ZNF804A: variants seen among roughly 807,000 people sequenced by gnomAD.
The protein encoded by ZNF804A is zinc finger protein 804A.
Under a neutral mutation model 16.5 loss-of-function variants are expected in ZNF804A, and 2 were observed. That is an observed-to-expected ratio of 0.12 (90% CI 0.05 to 0.38). The LOEUF (loss-of-function observed/expected upper bound fraction) is 0.38, where lower values mean the gene tolerates loss of function less well. Ranked by LOEUF, ZNF804A falls within the 10% of genes least tolerant of loss-of-function variation. ZNF804A has a pLI of 0.99. For synonymous variants in ZNF804A, 534 were observed against 489.6 expected (o/e 1.09, Z -1.20); for missense variants, 1,473 against 1,390.7 (o/e 1.06, Z -0.94).
chr2:184,730,429 T>C (rs1185777797), intron 1 of ZNF804A, among the ~76,000 whole-genome samples: 3 of 152,206 alleles, frequency 2.0e-5, no homozygotes, highest in African/African-American at 7.2e-5. Context: ...CTTGTTGTTA[T>C]ACATTCTATG....
At chr2:184,660,849 T>C (rs1234750795) in intron 1 of ZNF804A, among the ~76,000 whole-genome samples, 2 of 152,278 alleles carry the variant, frequency 1.3e-5, no homozygotes, top group East Asian at 3.8e-4. Flanking sequence ...TCTCAGTAGA[T>C]ACTAATTTAT....
chr2:184,714,291 A>G (rs889350772), intron 1 of ZNF804A, among the ~76,000 whole-genome samples: 4 of 152,074 alleles, frequency 2.6e-5, no homozygotes, highest in African/African-American at 9.7e-5. Flanking sequence ...GCAGAAACAA[A>G]TTACATGCAC....
At chr2:184,700,901 T>A (rs1181669413) in intron 1 of ZNF804A, among the ~76,000 whole-genome samples, 1 of 151,990 alleles carries the variant, frequency 6.6e-6, no homozygotes, top group East Asian at 1.9e-4. Flanking sequence ...ATTCATTGTA[T>A]AGTGATTAAA....
chr2:184,884,298 A>G (rs1476992195), intron 2 of ZNF804A, among the ~76,000 whole-genome samples: 2 of 152,164 alleles, frequency 1.3e-5, no homozygotes, highest in Non-Finnish European at 2.9e-5. Context: ...CAAAGAAGTC[A>G]AAGATGACAC....
At chr2:184,668,374 T>A (rs1298008491) in intron 1 of ZNF804A, among the ~76,000 whole-genome samples, 1 of 151,940 alleles carries the variant, frequency 6.6e-6, no homozygotes, top group East Asian at 1.9e-4. Context: ...GTGTTCACAT[T>A]TATAATAAAT....
chr2:184,638,474 G>T (rs1691739010), intron 1 of ZNF804A, among the ~76,000 whole-genome samples: 2 of 152,004 alleles, frequency 1.3e-5, no homozygotes, highest in African/African-American at 4.8e-5. Context: ...AAATACCTTA[G>T]GTCTGTGGGT....
At chr2:184,665,493 A>G (rs1412999789) in intron 1 of ZNF804A, among the ~76,000 whole-genome samples, 1 of 152,200 alleles carries the variant, frequency 6.6e-6, no homozygotes, top group Non-Finnish European at 1.5e-5. Flanking sequence ...CTCTTGCTGT[A>G]CAACAAAATA....
chr2:184,881,945 T>C (rs886382410), intron 2 of ZNF804A, among the ~76,000 whole-genome samples: 1 of 152,050 alleles, frequency 6.6e-6, no homozygotes, highest in Admixed American at 6.6e-5. Flanking sequence ...ATATCAATAC[T>C]ACCCTTGAAT....
chr2:184,908,500 G>A (rs951680634), intron 2 of ZNF804A, among the ~76,000 whole-genome samples: 2 of 152,074 alleles, frequency 1.3e-5, no homozygotes, highest in Non-Finnish European at 2.9e-5. Flanking sequence ...AAGGTAACAT[G>A]TTTGCATGAT....
At chr2:184,852,751 T>C (rs1179982445) in intron 1 of ZNF804A, among the ~76,000 whole-genome samples, 1 of 151,854 alleles carries the variant, frequency 6.6e-6, no homozygotes, top group Non-Finnish European at 1.5e-5. Context: ...AAAAATGCAT[T>C]GACTGTAAAT....
chr2:184,883,428 G>A (rs968789264), intron 2 of ZNF804A, among the ~76,000 whole-genome samples: 3 of 151,970 alleles, frequency 2.0e-5, no homozygotes, highest in Admixed American at 2.0e-4. Context: ...CTTCTATGAG[G>A]CCAGCATCAT....
chr2:184,666,472 A>G (rs1351624991), intron 1 of ZNF804A, among the ~76,000 whole-genome samples: 1 of 152,060 alleles, frequency 6.6e-6, no homozygotes, highest in Non-Finnish European at 1.5e-5. Flanking sequence ...ACATATGCAA[A>G]TAGAAAAATG....
chr2:184,718,964 C>G (rs962202768), intron 1 of ZNF804A, among the ~76,000 whole-genome samples: 3 of 152,134 alleles, frequency 2.0e-5, no homozygotes, highest in African/African-American at 7.2e-5. Flanking sequence ...CCCACATTAC[C>G]TTGCCCTTCC....
intron 1 of ZNF804A, among the ~76,000 whole-genome samples, chr2:184,773,560 T>G (rs1393460305): frequency 6.6e-6 from 1 of 151,812 alleles, no homozygotes; most frequent in Non-Finnish European, 1.5e-5. Context: ...GAATGGAAAA[T>G]CAAACATTTT....
chr2:184,723,038 A>C lies in ZNF804A; in HGVS notation c.111+123968A>C, dbSNP rs1693343317. On this transcript the variant is annotated intron_variant, in intron 1 of 3. Transcript: ENST00000302277. ...TGGCATAATACAAAATCTGAAGGCT[A>C]GGCTTAGTTTTAGTATGGATTTTTA... Among the ~76,000 whole-genome samples, 8 of 151,962 alleles carry C rather than the reference A, an allele frequency of 5.3e-5. No homozygotes were observed. The South Asian group carries it at 1.5e-3, about 28-fold the overall frequency.
intron 1 of ZNF804A, among the ~76,000 whole-genome samples, chr2:184,621,381 G>T (rs955074113): frequency 1.8e-4 from 27 of 151,538 alleles, no homozygotes; most frequent in African/African-American, 6.5e-4. Flanking sequence ...GCATGTATTT[G>T]TATATAGCTA....
intron 1 of ZNF804A, among the ~76,000 whole-genome samples, chr2:184,844,795 T>C (rs1007973462): frequency 1.3e-5 from 2 of 151,880 alleles, no homozygotes; most frequent in South Asian, 2.1e-4. Context: ...TGTTACTTCA[T>C]CTATTTCTTC....
intron 1 of ZNF804A, among the ~76,000 whole-genome samples, chr2:184,700,174 A>G (rs1001345936): frequency 2.6e-5 from 4 of 152,112 alleles, no homozygotes; most frequent in Non-Finnish European, 5.9e-5. Flanking sequence ...AATCTGGGCC[A>G]TTTATTTCTT....
intron 1 of ZNF804A, among the ~76,000 whole-genome samples, chr2:184,802,132 C>T (rs773037582): frequency 2.0e-5 from 3 of 152,098 alleles, no homozygotes; most frequent in South Asian, 2.1e-4. Flanking sequence ...AGAAAGGGTA[C>T]CTTTCAGAAT....
Sources: allele counts gnomAD v4.1 joint callset (sites outside exome capture counted in the v4.1 genomes callset), GRCh38; gene constraint gnomAD v4.1.1; transcripts MANE v1.5; gene names NCBI Gene and HGNC (gene_info 2026-07-23, HGNC 2026-07-21).